Variants in SMURF2 observed in about 807,000 individuals in gnomAD.
The protein encoded by SMURF2 is SMAD specific E3 ubiquitin protein ligase 2.
SMURF2 carries 48 observed loss-of-function variants against 109.6 expected under a neutral mutation model. The ratio of observed to expected loss-of-function variants is 0.44; its 90% CI spans 0.35 to 0.56. The LOEUF (loss-of-function observed/expected upper bound fraction) is 0.56. SMURF2 is among the 20% of genes least tolerant of loss of function. The probability of loss-of-function intolerance (pLI) is 0.01; values close to 1 mark genes in which losing one functional copy is unlikely to be tolerated. For synonymous variants in SMURF2, 288 were observed against 317.1 expected, an observed-to-expected ratio of 0.91 and a Z score of 0.97; for missense variants, 575 against 909.0, an observed-to-expected ratio of 0.63 and a Z score of 4.72.
intron 1 of SMURF2, among the ~76,000 whole-genome samples, chr17:64,643,472 C>T (rs1429694726): frequency 6.6e-6 from 1 of 152,090 alleles, no homozygotes; most frequent in Non-Finnish European, 1.5e-5. Flanking sequence ...AGGAGGCTGC[C>T]GTCATGTACT....
Position 64,661,842 on chromosome 17 carries a change from C to A in SMURF2, c.39G>T (p.Lys13Asn). Residue 13 changes from lysine (K) to asparagine (N), a missense_variant, in exon 1 of 19, where the codon AAG becomes AAT. By Grantham distance (94) the Lys-to-Asn change is moderately conservative (BLOSUM62 0). Coordinates refer to ENST00000262435, the MANE Select transcript of SMURF2 (RefSeq NM_022739.4). ...NPGGRRNGPV[K>N]LRLTVLCAKN... ...GCCCCCCCTCACCTGTCAGGCGCAG[C>A]TTGACGGGCCCGTTCCTCCGGCCTC... 8.2e-7 allele frequency: 1 copy of A among 1,221,914 alleles called. No homozygotes were observed. Among genetic ancestry groups the A allele is most frequent in the Non-Finnish European group, 1.0e-6 (1 of 981,632 alleles). The allele number at this position is 1,221,914 out of a possible 1,614,324, so 75.7% of individuals were successfully genotyped here.
At chr17:64,568,317 C>A (rs1969345405) in intron 10 of SMURF2, among the ~76,000 whole-genome samples, 1 of 152,086 alleles carries the variant, frequency 6.6e-6, no homozygotes, top group East Asian at 1.9e-4. Context: ...AGAAGGTTTA[C>A]CAGCTTGTTT....
rs1300479327 is a variant in SMURF2 at position 64,542,908 on chromosome 17, A to G, written c.*2940T>C. 6.6e-6 allele frequency: 1 copy of G among 152,260 alleles called. No individual in the cohort carries two copies. Among genetic ancestry groups the G allele is most frequent in the Non-Finnish European group, 1.5e-5 (1 of 68,058 alleles). The allele number at this position is 152,260 out of a possible 1,614,324, so 9.4% of individuals were successfully genotyped here. ...ATACACTATGCACTATTTAAAAACT[A>G]CACCAAGATACAAGGCCCTCTGAGG... is the stretch of plus-strand genomic sequence containing the variant. On this transcript the variant is annotated 3_prime_UTR_variant, in exon 19 of 19. Coordinates refer to ENST00000262435, the MANE Select transcript of SMURF2 (RefSeq NM_022739.4).
rs997373349 is a variant in SMURF2, at chr17:64,651,335, G to T, written c.52+10494C>A. On this transcript the variant is annotated intron_variant, in intron 1 of 18. Coordinates refer to ENST00000262435, the MANE Select transcript of SMURF2 (RefSeq NM_022739.4). ...ACGCCTGTAATCCCACACTTTGGGA[G>T]GCTGAGGCGGGTGGATCATTTGATG... 2.6e-5 allele frequency among the ~76,000 whole-genome samples: 4 copies of T among 152,138 alleles called. No individual in the cohort carries two copies. The South Asian group carries it at 6.2e-4, about 24-fold the overall frequency.
At chr17:64,640,096 T>A (rs1381862942) in intron 1 of SMURF2, among the ~76,000 whole-genome samples, 2 of 152,234 alleles carry the variant, frequency 1.3e-5, no homozygotes, top group East Asian at 3.8e-4. Context: ...AGATTTTTCT[T>A]ATCTTTAGAC....
intron 1 of SMURF2, among the ~76,000 whole-genome samples, chr17:64,637,240 C>T (rs1281390689): frequency 1.3e-5 from 2 of 151,650 alleles, no homozygotes; most frequent in African/African-American, 4.8e-5. Context: ...GATTCTCTTG[C>T]CTCAGCCTCC....
chr17:64,631,974 G>T lies in SMURF2; in HGVS notation c.53-25334C>A, dbSNP rs1048769424. ...TCTCTTTTTTTGCGGGGGGGGGGGG[G>T]GGGGGGTGGACAGAGGCACACTCGC... On this transcript the variant is annotated intron_variant, in intron 1 of 18. Coordinates refer to ENST00000262435, the MANE Select transcript of SMURF2 (RefSeq NM_022739.4). Among the ~76,000 whole-genome samples the T allele has an allele frequency of 1.1e-3, 161 of 141,014 alleles. 7 individuals are homozygous for T. The highest frequency in any genetic ancestry group is 3.8e-3 in the African/African-American group (146 of 38,036). The allele number at this position is 141,014 out of a possible 152,430, so 92.5% of individuals were successfully genotyped here.
At chr17:64,551,070 C>T (rs1969038309) in intron 16 of SMURF2, among the ~76,000 whole-genome samples, 1 of 152,022 alleles carries the variant, frequency 6.6e-6, no homozygotes, top group South Asian at 2.1e-4. Flanking sequence ...ATAAGAGAGA[C>T]TGCTCACAGC....
intron 1 of SMURF2, among the ~76,000 whole-genome samples, chr17:64,607,994 G>GTCAT (rs1234869910): frequency 9.9e-6 from 1 of 100,728 alleles, no homozygotes; most frequent in Non-Finnish European, 2.1e-5. Flanking sequence ...GCAAGACTCT[G>GTCAT]TCATAAATAA....
intron 1 of SMURF2, among the ~76,000 whole-genome samples, chr17:64,661,452 T>C (rs766385926): frequency 1.3e-5 from 2 of 152,066 alleles, no homozygotes; most frequent in Non-Finnish European, 2.9e-5. Flanking sequence ...GATTCAATAA[T>C]CCTCGCCACG....
At chr17:64,600,370 A>G (rs1462134033) in intron 2 of SMURF2, among the ~76,000 whole-genome samples, 1 of 152,234 alleles carries the variant, frequency 6.6e-6, no homozygotes, top group Admixed American at 6.5e-5. Flanking sequence ...ATGTCACTTC[A>G]TGTGTTAGAC....
rs1225398904 is a variant in SMURF2 at position 64,542,402 on chromosome 17, C to G, written c.*3446G>C. 1 of 151,896 alleles carries G rather than the reference C, an allele frequency of 6.6e-6. No individual in the cohort carries two copies. The highest frequency in any genetic ancestry group is 1.5e-5 in the Non-Finnish European group (1 of 67,996). 9.4% of individuals were successfully genotyped at this position (151,896 alleles called of 1,614,324 possible). The stretch of plus-strand genomic sequence containing the variant: ...ATTTATACAGATGTTACTGATAAAG[C>G]TCATGTAACAAATGAATGAAAATAC... On this transcript the variant is annotated 3_prime_UTR_variant, in exon 19 of 19. Transcript: ENST00000262435.
chr17:64,566,561 G>GTTTGTTTTTTTTTTTTTTTTTTTTTTTT (rs1969305868), intron 10 of SMURF2, among the ~76,000 whole-genome samples: 2 of 43,784 alleles, frequency 4.6e-5, no homozygotes, highest in African/African-American at 1.5e-4. Flanking sequence ...AAGCTTTCTG[G>GTTTGTTTTTTTTTTTTTTTTTTTTTTTT]TTTTTTTTTT....
At chr17:64,592,477 A>G (rs1353283765) in intron 4 of SMURF2, among the ~76,000 whole-genome samples, 1 of 152,158 alleles carries the variant, frequency 6.6e-6, no homozygotes, top group East Asian at 1.9e-4. Context: ...CTTTTTCACA[A>G]GGTCAATATA....
At chr17:64,617,272 T>C (rs1433711476) in intron 1 of SMURF2, among the ~76,000 whole-genome samples, 1 of 152,052 alleles carries the variant, frequency 6.6e-6, no homozygotes, top group Non-Finnish European at 1.5e-5. Flanking sequence ...TGTCATTTAA[T>C]GAAGGAATTT....
At chr17:64,640,479 G>A (rs1970479428) in intron 1 of SMURF2, among the ~76,000 whole-genome samples, 1 of 152,122 alleles carries the variant, frequency 6.6e-6, no homozygotes, top group East Asian at 1.9e-4. Context: ...GATTATATAA[G>A]GTCTTGGATA....
intron 13 of SMURF2, among the ~76,000 whole-genome samples, chr17:64,556,802 CCTCT>C (rs1181397025): frequency 1.3e-5 from 2 of 152,114 alleles, no homozygotes; most frequent in Non-Finnish European, 2.9e-5. Flanking sequence ...AATTCTTTTA[CCTCT>C]CTATTTACTA....
intron 1 of SMURF2, among the ~76,000 whole-genome samples, chr17:64,655,734 T>C (rs1291764650): frequency 1.3e-5 from 2 of 151,082 alleles, no homozygotes; most frequent in African/African-American, 2.4e-5. Flanking sequence ...CCAAAAAAAA[T>C]ACAAAAAAAA....
intron 13 of SMURF2, among the ~76,000 whole-genome samples, chr17:64,556,903 T>A (rs1355471467): frequency 6.6e-6 from 1 of 152,216 alleles, no homozygotes; most frequent in Non-Finnish European, 1.5e-5. Context: ...CACAAACATA[T>A]ATATTTACCA....
Sources: allele counts gnomAD v4.1 joint callset (sites outside exome capture counted in the v4.1 genomes callset), GRCh38; gene constraint gnomAD v4.1.1; transcripts MANE v1.5; gene names NCBI Gene and HGNC (gene_info 2026-07-23, HGNC 2026-07-21).